The following BNC1 variants were observed in gnomAD, a reference collection of about 807,000 sequenced individuals.
The protein encoded by BNC1 is zinc finger protein basonuclin-1.
In BNC1, 8 loss-of-function variants were observed where a neutral mutation model predicts 66.5. That is an observed-to-expected ratio of 0.12 (90% confidence interval 0.07 to 0.22). The LOEUF is 0.22. Among genes scored for constraint, BNC1 ranks in the 10% least tolerant of loss-of-function variants. The pLI, the probability that BNC1 is intolerant of heterozygous loss-of-function variation, is 1.00. For missense variants in BNC1, 1,069 were observed against 1,241.3 expected (o/e 0.86, Z 2.09); for synonymous variants, 454 against 452.6 (o/e 1.00, Z -0.04).
chr15:83,284,294 G>C (rs1197007549), intron 1 of BNC1, among the ~76,000 whole-genome samples: 1 of 151,928 alleles, frequency 6.6e-6, no homozygotes, highest in South Asian at 2.1e-4. Context: ...CCGTTTGCCA[G>C]CTCCGGGACG....
intron 3 of BNC1, 55 bp downstream of exon 3, chr15:83,266,781 A>T: frequency 6.6e-7 from 1 of 1,518,500 alleles, no homozygotes; most frequent in Non-Finnish European, 9.1e-7. Flanking sequence ...CGTCAGTTAT[A>T]TGGGCACAAA....
rs764892152 is a variant in BNC1 at position 83,284,497 on chromosome 15, A to G, written c.99+33T>C. On this transcript the variant is annotated intron_variant, in intron 1 of 4. Transcript: ENST00000345382. ...CGGGCCGCCTGCTCCGCGCACAGAGAATCCCCGCGCCCGCGGAGGGCGCCG... is the reference window on the plus strand; with the variant it reads ...CGGGCCGCCTGCTCCGCGCACAGAGGATCCCCGCGCCCGCGGAGGGCGCCG... 6.7e-5 allele frequency: 80 copies of G among 1,191,486 alleles called. No homozygotes were observed. The African/African-American group carries it at 9.7e-4, about 14-fold the overall frequency. 73.8% of individuals were successfully genotyped at this position (1,191,486 alleles called of 1,614,324 possible). A position where few individuals can be genotyped will look rare whatever the true frequency, so the allele number is the denominator to read the frequency against.
At position 83,268,229 on chromosome 15, in the gene BNC1, T is replaced by C. The variant is rs763145754; in HGVS notation, c.103A>G (p.Ile35Val). Residue 35 changes from isoleucine (I) to valine (V), a missense_variant, in exon 2 of 5, where the codon ATC (isoleucine) becomes GTC (valine). Coordinates refer to ENST00000345382, the MANE Select transcript of BNC1 (RefSeq NM_001717.4). The part of the protein sequence containing the change: ...HRSGRRMAEA[I>V]SCTLNCSCQS... ...CAACTACAGTTCAGAGTACAGCTGA[T>C]AGCCTGAAAAAGAGGAGAAAACAGG... 8.7e-6 allele frequency: 14 copies of C among 1,613,540 alleles called. No homozygotes were observed. The highest frequency in any genetic ancestry group is 2.2e-5 in the East Asian group (1 of 44,884).
intron 1 of BNC1, among the ~76,000 whole-genome samples, chr15:83,284,174 G>C (rs1325191317): frequency 6.6e-6 from 1 of 152,126 alleles, no homozygotes; most frequent in Non-Finnish European, 1.5e-5. Flanking sequence ...CTGAAGCCTG[G>C]GGTGCGGGCG....
At chr15:83,258,691 G>A (rs2038110567) in intron 4 of BNC1, among the ~76,000 whole-genome samples, 1 of 152,140 alleles carries the variant, frequency 6.6e-6, no homozygotes, top group Admixed American at 6.6e-5. Context: ...CTAAGAAAAG[G>A]ACTTTATTTC....
chr15:83,284,455 G>A, intron 1 of BNC1, 75 bp downstream of exon 1: 1 of 977,990 alleles, frequency 1.0e-6, no homozygotes, highest in Non-Finnish European at 1.3e-6. Context: ...CACGGGAGCC[G>A]GAGCCCAGCG....
In BNC1 at chr15:83,255,960, TTTGGG is replaced by T. The variant is rs2038069076; in HGVS notation, c.*1477_*1481del. ...AACATTTGTATACAAATCTTTTCACTTTGGGAAGACTGGAATATTAAACAGCTGGG... is the reference window on the plus strand; with the variant it reads ...AACATTTGTATACAAATCTTTTCACTAAGACTGGAATATTAAACAGCTGGG... On this transcript the variant is annotated 3_prime_UTR_variant, in exon 5 of 5. Coordinates refer to ENST00000345382, the MANE Select transcript of BNC1 (RefSeq NM_001717.4). 1 of 152,648 alleles carries T rather than the reference TTTGGG, an allele frequency of 6.6e-6. No homozygotes were observed. The highest frequency in any genetic ancestry group is 6.5e-5 in the Admixed American group (1 of 15,282). 9.5% of individuals were successfully genotyped at this position (152,648 alleles called of 1,614,324 possible).
chr15:83,283,066 C>G, intron 1 of BNC1: 280 of 1,219,048 alleles, frequency 2.3e-4, no homozygotes, highest in Non-Finnish European at 2.9e-4. Flanking sequence ...GCGTCTGATG[C>G]CCCCCGCCCC....
chr15:83,270,011 G>A (rs984815495), intron 1 of BNC1, among the ~76,000 whole-genome samples: 2 of 152,192 alleles, frequency 1.3e-5, no homozygotes, highest in African/African-American at 2.4e-5. Flanking sequence ...TACATGAAAT[G>A]TCAAGAACAG....
rs2038251398 is a variant in BNC1 at position 83,269,687 on chromosome 15, CAT to C, written c.100-1457_100-1456del. Among the ~76,000 whole-genome samples, 3 of 152,230 alleles carry C rather than the reference CAT, an allele frequency of 2.0e-5. No individual in the cohort carries two copies. In the South Asian group the frequency reaches 6.2e-4, roughly 32 times the overall value. ...TCTGGCAGTTCCTCAAAAAGTTAAA[CAT>C]AGAGTTACTATATGACCCAGAAATT... On this transcript the variant is annotated intron_variant, in intron 1 of 4. Transcript: ENST00000345382.
intron 2 of BNC1, 147 bp downstream of exon 2, chr15:83,267,986 A>G (rs1294533250): frequency 3.0e-6 from 2 of 666,676 alleles, no homozygotes; most frequent in Non-Finnish European, 5.2e-6. Context: ...AGACTCTTTG[A>G]ATCTTAGCCT....
At chr15:83,262,702 G>GA (rs2038157674) in intron 4 of BNC1, among the ~76,000 whole-genome samples, 1 of 152,074 alleles carries the variant, frequency 6.6e-6, no homozygotes, top group Non-Finnish European at 1.5e-5. Context: ...TTGTATTCAT[G>GA]AATGTTGAAA....
chr15:83,264,133 T>C lies in BNC1; in HGVS notation c.1118A>G (p.Lys373Arg). 6.2e-7 allele frequency: 1 copy of C among 1,614,174 alleles called. No homozygotes were observed. Among genetic ancestry groups the C allele is most frequent in the South Asian group, 1.1e-5 (1 of 91,078 alleles). The change falls in exon 4 of 5, where the codon AAA becomes AGA. Residue 373 changes from lysine to arginine, a missense_variant. Physicochemically the swap from Lys to Arg is conservative, Grantham distance 26. This residue lies in a region of BNC1 where 82 missense variants were observed against 136.3 expected (regional missense o/e 0.60). Coordinates refer to ENST00000345382, the MANE Select transcript of BNC1 (RefSeq NM_001717.4). ...CAAGTGGACGGCATTGTAGTGGATT[T>C]TGAGGGTGCCTTTGTCATAGAAGGT... Reference protein sequence around the residue: ...EKTFYDKGTLKIHYNAVHLKI... With the variant: ...EKTFYDKGTLRIHYNAVHLKI...
chr15:83,272,408 T>C (rs2038278065), intron 1 of BNC1, among the ~76,000 whole-genome samples: 2 of 151,058 alleles, frequency 1.3e-5, no homozygotes, highest in African/African-American at 4.9e-5. Context: ...TTTTTTTTTT[T>C]TGTATTTTTA....
chr15:83,259,107 C>T (rs1341636668), intron 4 of BNC1, among the ~76,000 whole-genome samples: 1 of 152,186 alleles, frequency 6.6e-6, no homozygotes. Context: ...CAATCTTCCA[C>T]CCAATGATTA....
intron 2 of BNC1, among the ~76,000 whole-genome samples, chr15:83,267,747 C>T (rs2038231739): frequency 1.3e-5 from 2 of 152,102 alleles, no homozygotes; most frequent in African/African-American, 4.8e-5. Flanking sequence ...TATACATATA[C>T]TAAAAATATT....
At chr15:83,284,101 G>C (rs978920699) in intron 1 of BNC1, among the ~76,000 whole-genome samples, 1 of 133,316 alleles carries the variant, frequency 7.5e-6, no homozygotes, top group Non-Finnish European at 1.6e-5. Flanking sequence ...TGAGGTAAAA[G>C]AAAAAAAAAA....
Position 83,256,442 on chromosome 15 carries a change from T to C in BNC1, c.*1000A>G, listed in dbSNP as rs1328801119. 1.3e-5 allele frequency: 2 copies of C among 152,766 alleles called. No homozygotes were observed. The highest frequency in any genetic ancestry group is 1.9e-4 in the East Asian group (1 of 5,188). The allele number at this position is 152,766 out of a possible 1,614,324, so 9.5% of individuals were successfully genotyped here. A position where few individuals can be genotyped will look rare whatever the true frequency, so the allele number is the denominator to read the frequency against. On this transcript the variant is annotated 3_prime_UTR_variant, in exon 5 of 5. Coordinates refer to ENST00000345382, the MANE Select transcript of BNC1 (RefSeq NM_001717.4). ...AATTCAAAAGTTCATCCTAATCTTA[T>C]ACGTTTATAAAACGGTGAAGACTGA...
intron 1 of BNC1, among the ~76,000 whole-genome samples, chr15:83,271,598 G>A (rs536916363): frequency 2.0e-5 from 3 of 152,142 alleles, no homozygotes; most frequent in Admixed American, 1.3e-4. Context: ...ATAAAAATTG[G>A]TCTTGGGGGG....
Sources: allele counts gnomAD v4.1 joint callset (sites outside exome capture counted in the v4.1 genomes callset), GRCh38; gene constraint gnomAD v4.1.1; regional missense constraint gnomAD v4.1.1; transcripts MANE v1.5; gene names NCBI Gene and HGNC (gene_info 2026-07-23, HGNC 2026-07-21).